Variants in PASD1 observed in about 807,000 individuals in gnomAD.
The protein encoded by PASD1 is circadian clock protein PASD1.
In PASD1, 13 loss-of-function variants were observed where a neutral mutation model predicts 58.8. The ratio of observed to expected loss-of-function variants is 0.22; its 90% CI spans 0.14 to 0.35. The LOEUF (loss-of-function observed/expected upper bound fraction) is 0.35. Among genes scored for constraint, PASD1 ranks in the 10% least tolerant of loss-of-function variants. The probability of loss-of-function intolerance (pLI) is 1.00; values close to 1 mark genes in which losing one functional copy is unlikely to be tolerated. For missense variants in PASD1, 734 were observed against 568.3 expected, an observed-to-expected ratio of 1.29 and a Z score of -2.96; for synonymous variants, 236 against 216.7, an observed-to-expected ratio of 1.09 and a Z score of -0.78.
intron 1 of PASD1, among the ~76,000 whole-genome samples, chrX:151,565,582 C>T (rs1323939775): frequency 3.5e-5 from 3 of 85,688 alleles, no homozygotes; most frequent in African/African-American, 1.5e-4. Flanking sequence ...TTTTTTGAGA[C>T]GGAGTCTCGC....
At chrX:151,625,103 C>T (rs1268300867) in intron 7 of PASD1, among the ~76,000 whole-genome samples, 1 of 111,936 alleles carries the variant, frequency 8.9e-6, no homozygotes, top group Non-Finnish European at 1.9e-5. Flanking sequence ...ATGTTTGTTC[C>T]ATATTAGTGG....
intron 3 of PASD1, among the ~76,000 whole-genome samples, chrX:151,610,272 C>T (rs2013539248): frequency 9.0e-6 from 1 of 111,472 alleles, no homozygotes; most frequent in South Asian, 3.8e-4. Context: ...TGAGTCATTT[C>T]CTCAGCTCTT....
intron 10 of PASD1, among the ~76,000 whole-genome samples, chrX:151,662,747 C>A (rs1254340359): frequency 3.6e-5 from 4 of 112,201 alleles, no homozygotes; most frequent in Non-Finnish European, 7.5e-5. Context: ...AGTGAGAAAT[C>A]TGGCTTTCAT....
intron 11 of PASD1, among the ~76,000 whole-genome samples, chrX:151,665,335 T>C (rs2014363636): frequency 8.9e-6 from 1 of 112,615 alleles, no homozygotes; most frequent in African/African-American, 3.2e-5. Context: ...TTGACAGGTT[T>C]ATCTTCTCTT....
chrX:151,569,153 A>G (rs1255116060), intron 1 of PASD1, among the ~76,000 whole-genome samples: 1 of 112,313 alleles, frequency 8.9e-6, no homozygotes, highest in Non-Finnish European at 1.9e-5. Flanking sequence ...CCCAGTTGGG[A>G]GAATGAACTT....
intron 6 of PASD1, among the ~76,000 whole-genome samples, chrX:151,621,859 C>A (rs1049109566): frequency 1.0e-4 from 11 of 109,268 alleles, no homozygotes; most frequent in African/African-American, 3.7e-4. Flanking sequence ...TAATGCATAT[C>A]CAAGCTTAAA....
chrX:151,601,227 G>GT (rs1306368799), intron 1 of PASD1, among the ~76,000 whole-genome samples: 497 of 106,451 alleles, frequency 4.7e-3, no homozygotes, highest in Middle Eastern at 5.0e-3. Context: ...CAAATATTTG[G>GT]TTTTTTTTTT....
At chrX:151,570,446 A>G (rs1282619162) in intron 1 of PASD1, among the ~76,000 whole-genome samples, 1 of 112,492 alleles carries the variant, frequency 8.9e-6, no homozygotes, top group East Asian at 2.8e-4. Flanking sequence ...AAAGAAACCT[A>G]AAATAAATTT....
At chrX:151,621,709 C>A in intron 6 of PASD1, 117 bp downstream of exon 6, 1 of 388,315 alleles carries the variant, frequency 2.6e-6, no homozygotes, top group Non-Finnish European at 4.3e-6. Context: ...CCTATGGCCA[C>A]AGTTTCTGAC....
intron 8 of PASD1, 62 bp downstream of exon 8, chrX:151,625,592 AAAAC>A: frequency 1.2e-6 from 1 of 857,812 alleles, no homozygotes. Context: ...AAACGAAACT[AAAAC>A]AAGAGAAATA....
At chrX:151,639,152 T>C (rs2013968000) in intron 8 of PASD1, among the ~76,000 whole-genome samples, 1 of 112,547 alleles carries the variant, frequency 8.9e-6, no homozygotes, top group Non-Finnish European at 1.9e-5. Flanking sequence ...TTTTCCAGCG[T>C]AGAGCCTTTG....
chrX:151,601,520 A>G lies in PASD1; in HGVS notation c.-27-7A>G, dbSNP rs762280049. On this transcript the variant is annotated splice_polypyrimidine_tract_variant and splice_region_variant and intron_variant, in intron 1 of 15. Coordinates refer to ENST00000370357, the MANE Select transcript of PASD1 (RefSeq NM_173493.3). ...CTTAGTAAAATGTTGCTTCACTTTG[A>G]TTTCAGGAGTCTTCCTACGTCACTG... The G allele has an allele frequency of 4.6e-4, 547 of 1,200,854 alleles. 3 individuals carry two copies. In the South Asian group the frequency reaches 9.1e-3, roughly 20 times the overall value.
chrX:151,568,369 T>A (rs892846395), intron 1 of PASD1, among the ~76,000 whole-genome samples: 7 of 111,420 alleles, frequency 6.3e-5, no homozygotes, highest in African/African-American at 2.0e-4. Flanking sequence ...GATTATAGAG[T>A]GTTCATGGCC....
chrX:151,634,975 A>C (rs1387895536), intron 8 of PASD1, among the ~76,000 whole-genome samples: 1 of 111,911 alleles, frequency 8.9e-6, no homozygotes, highest in Non-Finnish European at 1.9e-5. Context: ...TACCTTCTAC[A>C]TTTATTGGTT....
At chrX:151,638,312 G>C (rs1288314963) in intron 8 of PASD1, among the ~76,000 whole-genome samples, 1 of 109,083 alleles carries the variant, frequency 9.2e-6, no homozygotes, top group Non-Finnish European at 1.9e-5. Flanking sequence ...GGGGCTGGGG[G>C]AGAGATAGCA....
chrX:151,655,525 G>A (rs1267559226), intron 9 of PASD1, among the ~76,000 whole-genome samples: 1 of 111,731 alleles, frequency 9.0e-6, no homozygotes, highest in African/African-American at 3.3e-5. Context: ...GTTCTTTCCT[G>A]ACTTTTTAAT....
chrX:151,611,706 A>T lies in PASD1; in HGVS notation c.160A>T (p.Ile54Phe). The change falls in exon 4 of 16, where the codon ATC (isoleucine) becomes TTC (phenylalanine). Residue 54 changes from isoleucine (I) to phenylalanine (F), a missense_variant. By Grantham distance (21) the Ile-to-Phe change is conservative. Coordinates refer to ENST00000370357, the MANE Select transcript of PASD1 (RefSeq NM_173493.3). ...FMITLSTDGV[I>F]ICVAENISSL... ...GATTACACTGAGCACAGATGGAGTG[A>T]TCATTTGTGTGGCTGAAAACATCTC... 8.3e-7 allele frequency: 1 copy of T among 1,207,540 alleles called. No individual in the cohort carries two copies. Among genetic ancestry groups the T allele is most frequent in the Non-Finnish European group, 1.1e-6 (1 of 893,103 alleles).
chrX:151,568,066 C>T (rs990918722), intron 1 of PASD1, among the ~76,000 whole-genome samples: 1 of 112,201 alleles, frequency 8.9e-6, no homozygotes, highest in African/African-American at 3.2e-5. Flanking sequence ...CTACCTTTGA[C>T]GTCCCAGTTT....
intron 9 of PASD1, among the ~76,000 whole-genome samples, chrX:151,655,865 C>T (rs953608552): frequency 1.1e-4 from 12 of 112,000 alleles, no homozygotes; most frequent in African/African-American, 3.9e-4. Flanking sequence ...TGAATTAGAT[C>T]CCATTTGTCA....
Sources: gnomAD v4.1 joint callset for allele counts (sites outside exome capture counted in the v4.1 genomes callset) on GRCh38, gnomAD v4.1.1 for gene constraint, MANE v1.5 for transcripts, NCBI Gene and HGNC (gene_info 2026-07-23, HGNC 2026-07-21) for gene names.